ABLIM1: variants seen among roughly 807,000 people sequenced by gnomAD.
ABLIM1 encodes the protein actin binding LIM protein 1.
ABLIM1 carries 40 observed loss-of-function variants against 107.0 expected under a neutral mutation model. That is an observed-to-expected ratio of 0.37 (90% CI 0.29 to 0.49). The LOEUF (loss-of-function observed/expected upper bound fraction) is 0.49, where lower values mean the gene tolerates loss of function less well. ABLIM1 is among the 20% of genes least tolerant of loss of function. ABLIM1 has a pLI of 0.97. For synonymous variants in ABLIM1, 357 were observed against 357.3 expected (o/e 1.00, Z 0.01); for missense variants, 857 against 1,008.5 (o/e 0.85, Z 2.04).
At chr10:114,515,957 A>G (rs1258734381) in intron 6 of ABLIM1, among the ~76,000 whole-genome samples, 2 of 152,334 alleles carry the variant, frequency 1.3e-5, no homozygotes, top group African/African-American at 4.8e-5. Context: ...GCTGTTGGAA[A>G]TTAAATTTGT....
At chr10:114,560,780 A>C (rs984828422) in intron 4 of ABLIM1, among the ~76,000 whole-genome samples, 10 of 152,220 alleles carry the variant, frequency 6.6e-5, no homozygotes, top group African/African-American at 2.2e-4. Context: ...CCAGACACAA[A>C]AGGCTAATAG....
chr10:114,494,088 C>A (rs2082369913), intron 6 of ABLIM1, among the ~76,000 whole-genome samples: 1 of 152,050 alleles, frequency 6.6e-6, no homozygotes, highest in Non-Finnish European at 1.5e-5. Flanking sequence ...AGAGAGGAAC[C>A]AGTTGCATAG....
At chr10:114,788,795 G>A in the ABLIM1 span, among the ~76,000 whole-genome samples, 1 of 151,984 alleles carries the variant, frequency 6.6e-6, no homozygotes, top group Non-Finnish European at 1.5e-5. Context: ...AAATACAGGA[G>A]GCTCACGTAA....
the ABLIM1 span, among the ~76,000 whole-genome samples, chr10:114,791,158 G>T: frequency 6.6e-6 from 1 of 152,048 alleles, no homozygotes; most frequent in Non-Finnish European, 1.5e-5. Context: ...CATAGCTCAT[G>T]GCAGCCTCGA....
intron 1 of ABLIM1, among the ~76,000 whole-genome samples, chr10:114,703,842 C>T (rs1338648936): frequency 1.2e-4 from 19 of 152,216 alleles, no homozygotes; most frequent in Admixed American, 1.2e-3. Context: ...AACACTACCA[C>T]CCTCTACTGG....
At chr10:114,469,051 CAAAAAAA>C (rs71473043) in intron 10 of ABLIM1, among the ~76,000 whole-genome samples, 3 of 75,338 alleles carry the variant, frequency 4.0e-5, no homozygotes, top group Non-Finnish European at 7.3e-5. Flanking sequence ...GACTCTGTCT[CAAAAAAA>C]AAAAAAAAAA....
At chr10:114,452,886 A>C (rs2062113846) in intron 13 of ABLIM1, among the ~76,000 whole-genome samples, 1 of 152,236 alleles carries the variant, frequency 6.6e-6, no homozygotes. Flanking sequence ...CGCTGCAGAA[A>C]GACCAACCAA....
chr10:114,531,107 CT>C (rs761599442), intron 6 of ABLIM1, among the ~76,000 whole-genome samples: 37 of 152,226 alleles, frequency 2.4e-4, no homozygotes, highest in Non-Finnish European at 3.8e-4. Context: ...ATCAACATGA[CT>C]GTTAACTTGT....
At chr10:114,515,460 A>G (rs1043231588) in intron 6 of ABLIM1, among the ~76,000 whole-genome samples, 1 of 152,202 alleles carries the variant, frequency 6.6e-6, no homozygotes, top group Non-Finnish European at 1.5e-5. Context: ...CTTTTCATGC[A>G]GAGTGAGTTC....
chr10:114,625,947 A>G (rs1373409718), intron 1 of ABLIM1, among the ~76,000 whole-genome samples: 1 of 152,216 alleles, frequency 6.6e-6, no homozygotes, highest in Non-Finnish European at 1.5e-5. Context: ...TATGTGTTCA[A>G]TCACTGACAG....
chr10:114,724,590 T>C (rs1470332529), intron 1 of ABLIM1, among the ~76,000 whole-genome samples: 2 of 152,146 alleles, frequency 1.3e-5, no homozygotes, highest in Non-Finnish European at 2.9e-5. Flanking sequence ...CCCTAGAGGC[T>C]CTACTGAAAG....
intron 1 of ABLIM1, among the ~76,000 whole-genome samples, chr10:114,621,783 C>T (rs1390935963): frequency 1.3e-5 from 2 of 152,192 alleles, no homozygotes; most frequent in African/African-American, 2.4e-5. Flanking sequence ...GAGTTATTCT[C>T]GAAGTGCCTC....
At chr10:114,544,828 G>A (rs946867994) in intron 6 of ABLIM1, among the ~76,000 whole-genome samples, 177 bp downstream of exon 6, 4 of 150,890 alleles carry the variant, frequency 2.7e-5, no homozygotes, top group Admixed American at 6.6e-5. Context: ...TAATTTCCAC[G>A]TGAGCCTTTG....
chr10:114,521,994 G>A (rs1199442863), intron 6 of ABLIM1, among the ~76,000 whole-genome samples: 1 of 152,182 alleles, frequency 6.6e-6, no homozygotes, highest in Non-Finnish European at 1.5e-5. Context: ...AAAGAGGCAG[G>A]TTGAATAATG....
At chr10:114,492,200 C>T (rs2059102753) in intron 6 of ABLIM1, among the ~76,000 whole-genome samples, 2 of 152,020 alleles carry the variant, frequency 1.3e-5, no homozygotes. Flanking sequence ...TCCATCTCCC[C>T]AAAACCCCAC....
At chr10:114,514,231 C>T (rs552062130) in intron 6 of ABLIM1, among the ~76,000 whole-genome samples, 14 of 150,448 alleles carry the variant, frequency 9.3e-5, no homozygotes, top group Admixed American at 8.6e-4. Context: ...AAAGGGGAGC[C>T]GGAGATTGCG....
the ABLIM1 span, among the ~76,000 whole-genome samples, chr10:114,789,206 G>A: frequency 6.6e-6 from 1 of 151,956 alleles, no homozygotes. Flanking sequence ...AGTGAGCCGA[G>A]ATCATACCAC....
intron 4 of ABLIM1, among the ~76,000 whole-genome samples, chr10:114,550,512 C>T (rs2067933792): frequency 6.6e-6 from 1 of 152,080 alleles, no homozygotes; most frequent in South Asian, 2.1e-4. Flanking sequence ...CATCCCCCAC[C>T]AGAGTGGAAC....
intron 21 of ABLIM1, among the ~76,000 whole-genome samples, chr10:114,438,866 A>G (rs1256409113): frequency 6.6e-6 from 1 of 152,202 alleles, no homozygotes; most frequent in Non-Finnish European, 1.5e-5. Context: ...CTACATGGTG[A>G]GTCTGCAGCC....
Sources: allele counts gnomAD v4.1 joint callset (sites outside exome capture counted in the v4.1 genomes callset), GRCh38; gene constraint gnomAD v4.1.1; transcripts MANE v1.5; gene names NCBI Gene and HGNC (gene_info 2026-07-23, HGNC 2026-07-21).